Variants in ZNF558 observed in about 807,000 individuals in gnomAD.
The protein encoded by ZNF558 is zinc finger protein 558.
Under a neutral mutation model 37.6 loss-of-function variants are expected in ZNF558, and 23 were observed. The observed-to-expected ratio is 0.61, with a 90% CI of 0.44 to 0.87. The LOEUF is 0.87. ZNF558 is among the 40% of genes least tolerant of loss of function. The pLI, the probability that ZNF558 is intolerant of heterozygous loss-of-function variation, is 0.00. For missense variants in ZNF558, 429 were observed against 483.7 expected, an observed-to-expected ratio of 0.89 and a Z score of 1.06; for synonymous variants, 189 against 174.4, an observed-to-expected ratio of 1.08 and a Z score of -0.66.
At position 8,812,055 on chromosome 19, in the gene ZNF558, A is replaced by C; in HGVS notation, c.435T>G (p.Ser145Arg). Residue 145 changes from serine to arginine, a missense_variant, in exon 10 of 10, where the codon AGT becomes AGG. Transcript: ENST00000601372. Reference protein sequence around the residue: ...EQSKGVKTERSHRGVKLNECN... With the variant: ...EQSKGVKTERRHRGVKLNECN... ...ATTCATTGAGTTTCACTCCACGATG[A>C]CTTCTTTCCTGTGGATTAAGAGATG... 6.4e-7 allele frequency: 1 copy of C among 1,570,860 alleles called. No homozygotes were observed. The highest frequency in any genetic ancestry group is 8.6e-7 in the Non-Finnish European group (1 of 1,160,442).
At chr19:8,823,356 A>AC (rs1029042578) in intron 4 of ZNF558, among the ~76,000 whole-genome samples, 15 of 113,080 alleles carry the variant, frequency 1.3e-4, no homozygotes, top group Non-Finnish European at 5.5e-5. Flanking sequence ...TGCCTCGGTC[A>AC]CCCCCCTCCT....
In ZNF558 at chr19:8,811,605, G is replaced by T. The variant is rs546947128; in HGVS notation, c.885C>A (p.His295Gln). 1 of 1,613,850 alleles carries T rather than the reference G, an allele frequency of 6.2e-7. No homozygotes were observed. Among genetic ancestry groups the T allele is most frequent in the African/African-American group, 1.3e-5 (1 of 74,846 alleles). The change falls in exon 10 of 10, where the codon CAC becomes CAA. Residue 295 changes from histidine to glutamine, a missense_variant. His to Gln is a conservative substitution (Grantham distance 24, BLOSUM62 0). Coordinates refer to ENST00000601372, the MANE Select transcript of ZNF558 (RefSeq NM_144693.3). Reference sequence around the variant, plus strand: ...TCTTCCTGAAGGTTTTCCCACAATCGTGACATTCATAAGGTTTCTCCCCTG... The same window carrying T: ...TCTTCCTGAAGGTTTTCCCACAATCTTGACATTCATAAGGTTTCTCCCCTG... ...IHTGEKPYEC[H>Q]DCGKTFRKSS...
chr19:8,817,846 T>A (rs1483369643), intron 7 of ZNF558, among the ~76,000 whole-genome samples: 3 of 152,312 alleles, frequency 2.0e-5, no homozygotes, highest in African/African-American at 4.8e-5. Flanking sequence ...AAGTAAAAAC[T>A]GGCATAATTG....
chr19:8,819,199 T>C (rs2145232260), intron 7 of ZNF558, among the ~76,000 whole-genome samples: 1 of 152,342 alleles, frequency 6.6e-6, no homozygotes, highest in East Asian at 1.9e-4. Flanking sequence ...TTTTTTTGTC[T>C]TCTGAGACGG....
At chr19:8,820,167 C>T (rs951541945) in intron 7 of ZNF558, among the ~76,000 whole-genome samples, 16 of 152,088 alleles carry the variant, frequency 1.1e-4, no homozygotes, top group Admixed American at 1.0e-3. Flanking sequence ...AAGCTGGAAC[C>T]CTCCTGCATT....
chr19:8,823,484 C>T (rs1195936254), intron 4 of ZNF558, among the ~76,000 whole-genome samples: 1 of 120,686 alleles, frequency 8.3e-6, no homozygotes, highest in Non-Finnish European at 1.7e-5. Context: ...GGTCACCCCC[C>T]TCCTGCCTGT....
intron 2 of ZNF558, among the ~76,000 whole-genome samples, chr19:8,826,210 G>A (rs984221892): frequency 2.6e-5 from 4 of 152,122 alleles, no homozygotes; most frequent in Admixed American, 6.5e-5. Context: ...CCAGGGACTG[G>A]TTTCGTGGAA....
At chr19:8,823,441 C>CCACTCCTGCCTCGGTCACCA (rs2044151056) in intron 4 of ZNF558, among the ~76,000 whole-genome samples, 1 of 112,204 alleles carries the variant, frequency 8.9e-6, no homozygotes, top group Non-Finnish European at 1.9e-5. Flanking sequence ...CTCGGTCACC[C>CCACTCCTGCCTCGGTCACCA]CCCTCCTGCC....
chr19:8,816,741 T>C (rs896465296), intron 7 of ZNF558, among the ~76,000 whole-genome samples: 3 of 152,140 alleles, frequency 2.0e-5, no homozygotes, highest in Non-Finnish European at 4.4e-5. Flanking sequence ...TAAAGGTAAA[T>C]ACAGAGGTGA....
rs1156277042 is a variant in ZNF558, at chr19:8,808,598, C to T, written c.*2683G>A. The stretch of plus-strand genomic sequence containing the variant: ...ATTAAGTTGCATTAATGTTCATATA[C>T]CCTATATCCAAATATTAGAGAATAT... On this transcript the variant is annotated 3_prime_UTR_variant, in exon 10 of 10. Transcript: ENST00000601372. 2 of 152,026 alleles carry T rather than the reference C, an allele frequency of 1.3e-5. No individual in the cohort carries two copies. Among genetic ancestry groups the T allele is most frequent in the Non-Finnish European group, 2.9e-5 (2 of 68,004 alleles). 9.4% of individuals were successfully genotyped at this position (152,026 alleles called of 1,614,324 possible). A position where few individuals can be genotyped will look rare whatever the true frequency, so the allele number is the denominator to read the frequency against.
chr19:8,821,419 G>C, intron 6 of ZNF558, 113 bp from the exon 7 acceptor site: 1 of 1,532,594 alleles, frequency 6.5e-7, no homozygotes, highest in Non-Finnish European at 8.9e-7. Flanking sequence ...ACGAGATGTT[G>C]GGGGGGGTGG....
Position 8,811,545 on chromosome 19 carries a change from A to C in ZNF558, c.945T>G (p.Thr315=). 2 of 1,614,242 alleles carry C rather than the reference A, an allele frequency of 1.2e-6. No homozygotes were observed. The highest frequency in any genetic ancestry group is 8.5e-7 in the Non-Finnish European group (1 of 1,180,038). Residue 315 remains threonine, a synonymous_variant, in exon 10 of 10, where the codon ACT becomes ACG. Transcript: ENST00000601372. ...CGTTACATTCATAGGGTTTTTCTCCAGTATGAGTTCTTACGTGCTGTGTCA... is the reference window on the plus strand; with the variant it reads ...CGTTACATTCATAGGGTTTTTCTCCCGTATGAGTTCTTACGTGCTGTGTCA... ...SYLTQHVRTH[T]GEKPYECNEC...
Position 8,808,473 on chromosome 19 carries a change from GTGT to G in ZNF558, c.*2805_*2807del, listed in dbSNP as rs1374148234. 6 of 151,994 alleles carry G rather than the reference GTGT, an allele frequency of 3.9e-5. No individual in the cohort carries two copies. Among genetic ancestry groups the G allele is most frequent in the Admixed American group, 3.9e-4 (6 of 15,260 alleles). 9.4% of individuals were successfully genotyped at this position (151,994 alleles called of 1,614,324 possible). On this transcript the variant is annotated 3_prime_UTR_variant, in exon 10 of 10. Coordinates refer to ENST00000601372, the MANE Select transcript of ZNF558 (RefSeq NM_144693.3). ...AATATATAAAAATGACAAAATTACA[GTGT>G]TAATACATAAACATAATGGAAGAGT...
Position 8,821,994 on chromosome 19 carries a change from C to T in ZNF558, c.120+9G>A, listed in dbSNP as rs780724629. On this transcript the variant is annotated intron_variant, in intron 6 of 9. Transcript: ENST00000601372. Reference sequence around the variant, plus strand: ...AATAATGATTTGGGAAAAGGAACATCTGACTCACCCGTAGCCAGCTTGTCA... The same window carrying T: ...AATAATGATTTGGGAAAAGGAACATTTGACTCACCCGTAGCCAGCTTGTCA... 6.2e-7 allele frequency: 1 copy of T among 1,613,924 alleles called. No homozygotes were observed. Among genetic ancestry groups the T allele is most frequent in the Non-Finnish European group, 8.5e-7 (1 of 1,179,856 alleles).
rs2043723050 is a variant in ZNF558, at chr19:8,808,616, G to C, written c.*2665C>G. On this transcript the variant is annotated 3_prime_UTR_variant, in exon 10 of 10. Coordinates refer to ENST00000601372, the MANE Select transcript of ZNF558 (RefSeq NM_144693.3). ...TCATATACCCTATATCCAAATATTAGAGAATATACATTGTTTTCAAAGAAA... is the reference window on the plus strand; with the variant it reads ...TCATATACCCTATATCCAAATATTACAGAATATACATTGTTTTCAAAGAAA... 1.3e-5 allele frequency: 2 copies of C among 152,078 alleles called. No homozygotes were observed. Among genetic ancestry groups the C allele is most frequent in the South Asian group, 2.1e-4 (1 of 4,832 alleles). The allele number at this position is 152,078 out of a possible 1,614,324, so 9.4% of individuals were successfully genotyped here.
upstream of ZNF558, chr19:8,832,380 G>A (rs1423541317): frequency 4.6e-5 from 7 of 152,644 alleles, no homozygotes; most frequent in Non-Finnish European, 1.5e-5. Flanking sequence ...CAGCCTCGCA[G>A]AGTCGAGCGT....
rs1555768221 is a variant in ZNF558 at position 8,811,827 on chromosome 19, T to A, written c.663A>T (p.Ser221=). The A allele has an allele frequency of 1.2e-6, 2 of 1,614,050 alleles. No homozygotes were observed. The highest frequency in any genetic ancestry group is 4.5e-5 in the East Asian group (2 of 44,890). The change falls in exon 10 of 10, where the codon TCA becomes TCT. Residue 221 remains serine (S), a synonymous_variant. Coordinates refer to ENST00000601372, the MANE Select transcript of ZNF558 (RefSeq NM_144693.3). The part of the protein sequence containing the change: ...NHCGKAFSDP[S]SLRLHLRIHT... ...GAATTCTCAAATGCAGTCTAAGGGA[T>A]GAGGGATCACTAAATGCTTTCCCAC...
intron 1 of ZNF558, among the ~76,000 whole-genome samples, chr19:8,831,898 C>T (rs528860005): frequency 6.6e-6 from 1 of 152,212 alleles, no homozygotes; most frequent in Admixed American, 6.5e-5. Flanking sequence ...GGCCTCCACC[C>T]TCTAGGTGAC....
chr19:8,836,997 A>G (rs1201646388), upstream of ZNF558, among the ~76,000 whole-genome samples: 3 of 152,232 alleles, frequency 2.0e-5, no homozygotes, highest in Non-Finnish European at 4.4e-5. Flanking sequence ...ACAAATACAT[A>G]CAACTGCCCA....
Sources: gnomAD v4.1 joint callset for allele counts (sites outside exome capture counted in the v4.1 genomes callset) on GRCh38, gnomAD v4.1.1 for gene constraint, MANE v1.5 for transcripts, NCBI Gene and HGNC (gene_info 2026-07-23, HGNC 2026-07-21) for gene names.